TRAPPC3L: variants seen among roughly 807,000 people sequenced by gnomAD.
TRAPPC3L encodes trafficking protein particle complex subunit 3L.
TRAPPC3L carries 23 observed loss-of-function variants against 23.7 expected under a neutral mutation model. The observed-to-expected ratio is 0.97, with a 90% CI of 0.70 to 1.37. The LOEUF is 1.37. Among genes scored for constraint, TRAPPC3L ranks in the 40% most tolerant of loss-of-function variants. The probability of loss-of-function intolerance (pLI) is 0.00; values close to 1 mark genes in which losing one functional copy is unlikely to be tolerated. For synonymous variants in TRAPPC3L, 81 were observed against 77.9 expected (o/e 1.04, Z -0.21); for missense variants, 212 against 216.8 (o/e 0.98, Z 0.14).
chr6:116,496,898 A>G lies in TRAPPC3L; in HGVS notation c.*56T>C, dbSNP rs1771840360. 5 of 1,509,720 alleles carry G rather than the reference A, an allele frequency of 3.3e-6. No homozygotes were observed. The highest frequency in any genetic ancestry group is 2.6e-5 in the Admixed American group (1 of 38,162). 93.5% of individuals were successfully genotyped at this position (1,509,720 alleles called of 1,614,324 possible). On this transcript the variant is annotated 3_prime_UTR_variant, in exon 5 of 5. Transcript: ENST00000368602. ...CAATTCAAAATTTCTATGTCTATAC[A>G]TGTTTAGCTAACATTAACTCAGCTA...
intron 4 of TRAPPC3L, 64 bp downstream of exon 4, chr6:116,500,417 A>G (rs962597369): frequency 2.2e-6 from 3 of 1,381,916 alleles, no homozygotes; most frequent in Non-Finnish European, 2.9e-6. Context: ...TATATTGGTT[A>G]TCTTATTTTA....
chr6:116,536,365 T>C (rs1481777416), intron 3 of TRAPPC3L, among the ~76,000 whole-genome samples: 1 of 152,150 alleles, frequency 6.6e-6, no homozygotes, highest in Non-Finnish European at 1.5e-5. Context: ...AAAGACATTG[T>C]CAGAGGCCTA....
chr6:116,503,620 G>A (rs1321843262), intron 3 of TRAPPC3L, among the ~76,000 whole-genome samples: 2 of 152,054 alleles, frequency 1.3e-5, no homozygotes, highest in Non-Finnish European at 2.9e-5. Flanking sequence ...CCACATAATT[G>A]GAAGTAAAAC....
intron 3 of TRAPPC3L, among the ~76,000 whole-genome samples, chr6:116,532,695 C>T (rs1321367321): frequency 1.3e-5 from 2 of 152,144 alleles, no homozygotes; most frequent in African/African-American, 4.8e-5. Flanking sequence ...GAACTATGTA[C>T]AAAATAAGCT....
chr6:116,502,293 G>A (rs1771929867), intron 3 of TRAPPC3L, among the ~76,000 whole-genome samples: 1 of 152,108 alleles, frequency 6.6e-6, no homozygotes. Flanking sequence ...AGATCAAATT[G>A]ATGAAATAAA....
intron 3 of TRAPPC3L, among the ~76,000 whole-genome samples, chr6:116,503,631 C>T (rs1771956120): frequency 6.6e-6 from 1 of 152,012 alleles, no homozygotes; most frequent in Admixed American, 6.6e-5. Flanking sequence ...GAAGTAAAAC[C>T]CTCTTCAGCA....
At chr6:116,511,630 T>C (rs1583268972) in intron 3 of TRAPPC3L, 1 of 1,470,800 alleles carries the variant, frequency 6.8e-7, no homozygotes, top group South Asian at 1.3e-5. Context: ...AGCTCCACCC[T>C]CGGCCACTGC....
At chr6:116,515,712 A>G (rs1186000302) in intron 3 of TRAPPC3L, 1 of 1,614,042 alleles carries the variant, frequency 6.2e-7, no homozygotes, top group Admixed American at 1.7e-5. Context: ...TGGAAGACAT[A>G]TGCACAAAAG....
intron 3 of TRAPPC3L, among the ~76,000 whole-genome samples, chr6:116,513,446 C>T (rs1772163724): frequency 6.6e-6 from 1 of 152,144 alleles, no homozygotes; most frequent in Admixed American, 6.6e-5. Context: ...GGTGTATGTC[C>T]TCAGTCACCA....
intron 3 of TRAPPC3L, among the ~76,000 whole-genome samples, chr6:116,509,825 T>C (rs865887628): frequency 6.6e-5 from 10 of 151,908 alleles, no homozygotes; most frequent in African/African-American, 2.4e-4. Flanking sequence ...AATAAATAAA[T>C]GGGACCTAAT....
intron 3 of TRAPPC3L, chr6:116,524,085 TA>T (rs1260174901): frequency 2.0e-5 from 3 of 152,206 alleles, no homozygotes; most frequent in African/African-American, 7.2e-5. Context: ...TTATGTTTTT[TA>T]AAAAGTTCTT....
chr6:116,532,001 C>G (rs2115193013), intron 3 of TRAPPC3L, among the ~76,000 whole-genome samples: 1 of 152,138 alleles, frequency 6.6e-6, no homozygotes, highest in Admixed American at 6.6e-5. Context: ...TTGTCCTGTT[C>G]AGGATCCTAC....
intron 3 of TRAPPC3L, chr6:116,522,574 A>G (rs1440968551): frequency 3.9e-5 from 6 of 152,212 alleles, no homozygotes; most frequent in Non-Finnish European, 8.8e-5. Context: ...GGTCTCTAAA[A>G]TCTCTCCACC....
intron 3 of TRAPPC3L, among the ~76,000 whole-genome samples, chr6:116,537,830 A>G (rs918484409): frequency 1.3e-5 from 2 of 152,044 alleles, no homozygotes. Flanking sequence ...TCTTTCAACT[A>G]ATTTTTATTG....
At chr6:116,529,890 T>C (rs1333325448) in intron 3 of TRAPPC3L, among the ~76,000 whole-genome samples, 3 of 151,760 alleles carry the variant, frequency 2.0e-5, no homozygotes, top group African/African-American at 7.3e-5. Flanking sequence ...GTAAGAGGAG[T>C]GTGTGCGGAA....
rs1418378699 is a variant in TRAPPC3L at position 116,509,885 on chromosome 6, A to C, written c.241-9219T>G. Among the ~76,000 whole-genome samples the C allele has an allele frequency of 2.6e-5, 4 of 152,348 alleles. 1 individual carries two copies. In the East Asian group the frequency reaches 7.7e-4, roughly 29 times the overall value. ...AAAAGAAATAAACATCAGAGTAAAC[A>C]GGCAACCCACAAAATGGGAGAAGAT... On this transcript the variant is annotated intron_variant, in intron 3 of 4. Coordinates refer to ENST00000368602, the MANE Select transcript of TRAPPC3L (RefSeq NM_001139444.3).
In TRAPPC3L at chr6:116,497,031, T is replaced by G; in HGVS notation, c.469A>C (p.Lys157Gln). 6.5e-7 allele frequency: 1 copy of G among 1,548,902 alleles called. No individual in the cohort carries two copies. The highest frequency in any genetic ancestry group is 8.7e-7 in the Non-Finnish European group (1 of 1,146,210). ...ADVTFLQDRL[K>Q]GDSVTEIGIT... ...CCTATTTCTGTCACACTGTCACCTT[T>G]TAGTCTGTCTTGCAAGAATGTAACA... is the stretch of plus-strand genomic sequence containing the variant. Residue 157 changes from lysine to glutamine, a missense_variant, in exon 5 of 5, where the codon AAA (lysine) becomes CAA (glutamine). Physicochemically the swap from Lys to Gln is moderately conservative, Grantham distance 53 (BLOSUM62 1). Transcript: ENST00000368602.
chr6:116,527,712 TTAAA>T (rs1354655091), intron 3 of TRAPPC3L, among the ~76,000 whole-genome samples: 1 of 152,052 alleles, frequency 6.6e-6, no homozygotes, highest in African/African-American at 2.4e-5. Flanking sequence ...TCCAAATAAC[TTAAA>T]CAGCAGAAAT....
chr6:116,520,769 T>C (rs931849439), intron 3 of TRAPPC3L: 8 of 152,356 alleles, frequency 5.3e-5, no homozygotes, highest in African/African-American at 1.9e-4. Flanking sequence ...ATTGGAAATG[T>C]TATCTGGATT....
Sources: gnomAD v4.1 joint callset for allele counts (sites outside exome capture counted in the v4.1 genomes callset) on GRCh38, gnomAD v4.1.1 for gene constraint, MANE v1.5 for transcripts, NCBI Gene and HGNC (gene_info 2026-07-23, HGNC 2026-07-21) for gene names.